FN1: variants seen among roughly 807,000 people sequenced by gnomAD.
FN1 encodes fibronectin.
In FN1, 106 loss-of-function variants were observed where a neutral mutation model predicts 297.3. That is an observed-to-expected ratio of 0.36 (90% CI 0.30 to 0.42). FN1 has a LOEUF of 0.42. FN1 is among the 10% of genes least tolerant of loss of function. The pLI, the probability that FN1 is intolerant of heterozygous loss-of-function variation, is 1.00. For missense variants in FN1, 2,690 were observed against 3,124.9 expected (o/e 0.86, Z 3.32); for synonymous variants, 1,149 against 1,152.6 (o/e 1.00, Z 0.06).
intron 6 of FN1, among the ~76,000 whole-genome samples, chr2:215,426,844 T>C (rs1374599156): frequency 3.9e-5 from 6 of 152,154 alleles, no homozygotes; most frequent in Non-Finnish European, 8.8e-5. Context: ...TCTATTTTGG[T>C]AGACTGACAT....
chr2:215,409,596 G>A lies in FN1; in HGVS notation c.2266C>T (p.Leu756=), dbSNP rs1163962788. 1.7e-5 allele frequency: 27 copies of A among 1,613,740 alleles called. No individual in the cohort carries two copies. Among genetic ancestry groups the A allele is most frequent in the Non-Finnish European group, 2.0e-5 (24 of 1,180,038 alleles). ...TGTGGCTCATCTCCCTCCTCACTCA[G>A]CTCATATTCCACCCGGAATCCCGAC... is the stretch of plus-strand genomic sequence containing the variant. The part of the protein sequence containing the change: ...TVSGFRVEYE[L]SEEGDEPQYL... Residue 756 remains leucine (L), a synonymous_variant, in exon 15 of 46, where the codon CTG becomes TTG. Transcript: ENST00000354785.
chr2:215,414,976 G>A lies in FN1; in HGVS notation c.1820-18C>T, dbSNP rs1213475982. 3.1e-6 allele frequency: 5 copies of A among 1,602,714 alleles called. No homozygotes were observed. The highest frequency in any genetic ancestry group is 4.3e-6 in the Non-Finnish European group (5 of 1,169,892). On this transcript the variant is annotated intron_variant, in intron 12 of 45. Transcript: ENST00000354785. ...ACTTGAGCCTGAAAATGAAAATGTA[G>A]CATTTAATTATCTTGAATATTCACT...
intron 26 of FN1, among the ~76,000 whole-genome samples, chr2:215,388,605 A>C (rs1423074852): frequency 6.6e-6 from 1 of 152,158 alleles, no homozygotes. Context: ...TCTCGCATCC[A>C]CCTGAGAGTA....
intron 11 of FN1, among the ~76,000 whole-genome samples, chr2:215,419,793 CTGTT>C (rs1034183134): frequency 1.3e-5 from 2 of 152,154 alleles, no homozygotes; most frequent in African/African-American, 2.4e-5. Context: ...TTTAAAGAAA[CTGTT>C]TGACATTTAA....
At position 215,388,301 on chromosome 2, in the gene FN1, T is replaced by C. The variant is rs781729898; in HGVS notation, c.4253A>G (p.Asn1418Ser). Residue 1418 changes from asparagine to serine, a missense_variant and splice_region_variant, in exon 27 of 46, where the codon AAT becomes AGT. Asn to Ser is a conservative substitution (Grantham distance 46). Transcript: ENST00000354785. ...SPSDNAVVLT[N>S]LLPGTEYVVS... ...TACATATTCTGTACCAGGCAGGAGA[T>C]CTGTAGGGGCAAATGGGGCTTATTT... The C allele has an allele frequency of 3.1e-6, 5 of 1,611,146 alleles. No homozygotes were observed. In the East Asian group the frequency reaches 1.1e-4, roughly 36 times the overall value.
chr2:215,425,034 G>C, intron 7 of FN1, 60 bp downstream of exon 7: 1 of 1,430,292 alleles, frequency 7.0e-7, no homozygotes, highest in Non-Finnish European at 9.9e-7. Flanking sequence ...AAAATGTATT[G>C]TCCTTCAAAA....
At chr2:215,388,440 C>A in intron 26 of FN1, 139 bp from the exon 27 acceptor site, 1 of 714,434 alleles carries the variant, frequency 1.4e-6, no homozygotes, top group East Asian at 2.6e-5. Flanking sequence ...AACACTACAG[C>A]GAAGTGTTCA....
In FN1 at chr2:215,385,775, C is replaced by T. The variant is rs748490881; in HGVS notation, c.4613-799G>A. On this transcript the variant is annotated intron_variant, in intron 28 of 45. Transcript: ENST00000354785. ...TACTTTGAAACAGTGTTCAGTTTTC[C>T]ACCTTTTTTTTTTTTTTTTTTGAGA... Among the ~76,000 whole-genome samples, 124 of 107,378 alleles carry T rather than the reference C, an allele frequency of 1.2e-3. No homozygotes were observed. In the Middle Eastern group the frequency reaches 0.043, roughly 38 times the overall value. The allele number at this position is 107,378 out of a possible 152,430, so 70.4% of individuals were successfully genotyped here.
At chr2:215,398,465 AC>A (rs1169332450) in intron 21 of FN1, among the ~76,000 whole-genome samples, 3 of 152,244 alleles carry the variant, frequency 2.0e-5, no homozygotes, top group African/African-American at 7.2e-5. Flanking sequence ...GATCCTTCAC[AC>A]ATCATAAGGC....
rs746046020 is a variant in FN1 at position 215,397,853 on chromosome 2, AG to A, written c.3349-6del. ...CTGGCTTGGTCGTACACCCAGCTAG[AG>A]GAAGGAATGCAAAGTAAACACCAAG... On this transcript the variant is annotated splice_region_variant and splice_polypyrimidine_tract_variant and intron_variant, in intron 21 of 45. Transcript: ENST00000354785. 9 of 1,613,836 alleles carry A rather than the reference AG, an allele frequency of 5.6e-6. No individual in the cohort carries two copies. The South Asian group carries it at 9.9e-5, about 18-fold the overall frequency.
rs751464076 is a variant in FN1, at chr2:215,384,980, GA to G, written c.4613-5del. 1.3e-5 allele frequency: 20 copies of G among 1,591,860 alleles called. 1 individual carries two copies. Among genetic ancestry groups the G allele is most frequent in the Admixed American group, 1.0e-4 (6 of 59,728 alleles). On this transcript the variant is annotated splice_polypyrimidine_tract_variant and splice_region_variant and intron_variant, in intron 28 of 45. Transcript: ENST00000354785. ...AGGTCCCTCGGAACATCAGAAACTA[GA>G]AAAAAAAGGGAAACTTTTCACATCC...
chr2:215,404,133 T>C (rs975092666), intron 20 of FN1, among the ~76,000 whole-genome samples: 2 of 152,228 alleles, frequency 1.3e-5, no homozygotes, highest in African/African-American at 4.8e-5. Flanking sequence ...AAAATCTGGC[T>C]TCAGAAAAAT....
chr2:215,396,822 G>A (rs2060358314), intron 23 of FN1, among the ~76,000 whole-genome samples: 2 of 152,180 alleles, frequency 1.3e-5, no homozygotes, highest in Admixed American at 1.3e-4. Flanking sequence ...TCAACCATTT[G>A]TTTGGCAATT....
intron 42 of FN1, among the ~76,000 whole-genome samples, chr2:215,366,978 A>G (rs1032856281): frequency 6.6e-6 from 1 of 152,244 alleles, no homozygotes; most frequent in African/African-American, 2.4e-5. Flanking sequence ...GCTGGCTTTT[A>G]CAACTTCAGT....
At chr2:215,423,253 G>T in intron 9 of FN1, 97 bp downstream of exon 9, 2 of 1,261,712 alleles carry the variant, frequency 1.6e-6, no homozygotes, top group Non-Finnish European at 2.3e-6. Context: ...TCAAAATTGT[G>T]TTAATGAATG....
chr2:215,361,569 C>G lies in FN1; in HGVS notation c.7420G>C (p.Asp2474His), dbSNP rs2053437109. 1 of 1,608,666 alleles carries G rather than the reference C, an allele frequency of 6.2e-7. No individual in the cohort carries two copies. The highest frequency in any genetic ancestry group is 8.5e-7 in the Non-Finnish European group (1 of 1,175,122). The change falls in exon 46 of 46, where the codon GAT becomes CAT. Residue 2474 changes from aspartate to histidine, a missense_variant. Physicochemically the swap from Asp to His is moderately conservative, Grantham distance 81. Coordinates refer to ENST00000354785, the MANE Select transcript of FN1 (RefSeq NM_212482.4). ...MPLDVQADRE[D>H]SRE ...GGAAAGATGATTTACTCTCGGGAAT[C>G]TTCTCTGTCAGCCTGTACATCTAAA...
chr2:215,399,425 A>G (rs1169843511), intron 20 of FN1, 74 bp from the exon 21 acceptor site: 3 of 1,003,536 alleles, frequency 3.0e-6, no homozygotes, highest in Non-Finnish European at 4.8e-6. Context: ...GATAACAAGT[A>G]TTTTTATGGA....
At chr2:215,429,286 C>T (rs532896680) in intron 5 of FN1, among the ~76,000 whole-genome samples, 4 of 152,124 alleles carry the variant, frequency 2.6e-5, no homozygotes, top group African/African-American at 9.7e-5. Flanking sequence ...TCAGTGTTAG[C>T]CCTCCACTGG....
rs758084938 is a variant in FN1 at position 215,383,316 on chromosome 2, G to T, written c.5050+12C>A. On this transcript the variant is annotated intron_variant, in intron 31 of 45. Coordinates refer to ENST00000354785, the MANE Select transcript of FN1 (RefSeq NM_212482.4). ...AGCCACCGCACCTGGCCGAGATGCA[G>T]ATGATTCTTACCTGGACCTGCAGTT... is the stretch of plus-strand genomic sequence containing the variant. 6.2e-7 allele frequency: 1 copy of T among 1,614,034 alleles called. No homozygotes were observed. The highest frequency in any genetic ancestry group is 1.1e-5 in the South Asian group (1 of 91,080).
Sources: gnomAD v4.1 joint callset for allele counts (sites outside exome capture counted in the v4.1 genomes callset) on GRCh38, gnomAD v4.1.1 for gene constraint, MANE v1.5 for transcripts, NCBI Gene and HGNC (gene_info 2026-07-23, HGNC 2026-07-21) for gene names.